Variants in CYP39A1 observed in about 807,000 individuals in gnomAD.
CYP39A1 encodes cytochrome P450 family 39 subfamily A member 1, also known as 24-hydroxycholesterol 7-alpha-hydroxylase.
A neutral mutation model predicts 58.1 loss-of-function variants in CYP39A1; 49 were observed. That is an observed-to-expected ratio of 0.84 (90% CI 0.67 to 1.07). The LOEUF (loss-of-function observed/expected upper bound fraction) is 1.07, where lower values mean the gene tolerates loss of function less well. Among genes scored for constraint, CYP39A1 ranks in the 50% least tolerant of loss-of-function variants. CYP39A1 has a pLI of 0.00. For missense variants in CYP39A1, 531 were observed against 539.4 expected, an observed-to-expected ratio of 0.98 and a Z score of 0.16; for synonymous variants, 209 against 187.6, an observed-to-expected ratio of 1.11 and a Z score of -0.93.
chr6:46,600,336 G>T (rs1404647523), intron 7 of CYP39A1, among the ~76,000 whole-genome samples: 5 of 152,002 alleles, frequency 3.3e-5, no homozygotes, highest in Non-Finnish European at 7.4e-5. Context: ...GGCCAGGCTG[G>T]TCTTGAAATC....
chr6:46,617,924 GC>G (rs1774713912), intron 7 of CYP39A1, among the ~76,000 whole-genome samples: 1 of 152,060 alleles, frequency 6.6e-6, no homozygotes, highest in African/African-American at 2.4e-5. Flanking sequence ...TATTTCTGCT[GC>G]ATTTTGACAC....
intron 1 of CYP39A1, 61 bp downstream of exon 1, chr6:46,652,345 A>C (rs1008769467): frequency 8.7e-6 from 13 of 1,500,566 alleles, no homozygotes; most frequent in African/African-American, 1.4e-5. Flanking sequence ...AGTCAATGAA[A>C]GAAAGTTTAA....
intron 2 of CYP39A1, among the ~76,000 whole-genome samples, chr6:46,640,163 A>G (rs529113755): frequency 6.6e-6 from 1 of 152,332 alleles, no homozygotes; most frequent in Non-Finnish European, 1.5e-5. Context: ...ATGGAAATCT[A>G]TTCACTTTAA....
In CYP39A1 at chr6:46,647,526, C is replaced by T. The variant is rs553100651; in HGVS notation, c.177+4880G>A. 2.1e-4 allele frequency among the ~76,000 whole-genome samples: 32 copies of T among 152,226 alleles called. No individual in the cohort carries two copies. The South Asian group carries it at 3.1e-3, about 15-fold the overall frequency. On this transcript the variant is annotated intron_variant, in intron 1 of 11. Coordinates refer to ENST00000275016, the MANE Select transcript of CYP39A1 (RefSeq NM_016593.5). Reference sequence around the variant, plus strand: ...CTGCTTGACATTTAGATCCTATGCCCACATTTTCAGAATTTCACATTCTAC... The same window carrying T: ...CTGCTTGACATTTAGATCCTATGCCTACATTTTCAGAATTTCACATTCTAC...
chr6:46,566,903 C>A (rs1771320684), intron 10 of CYP39A1, among the ~76,000 whole-genome samples: 1 of 151,932 alleles, frequency 6.6e-6, no homozygotes, highest in East Asian at 1.9e-4. Flanking sequence ...TATACACATA[C>A]ACACACATTG....
intron 11 of CYP39A1, among the ~76,000 whole-genome samples, chr6:46,552,002 G>A (rs545501884): frequency 2.0e-5 from 3 of 151,970 alleles, no homozygotes; most frequent in South Asian, 4.2e-4. Context: ...TGTTCTCAGT[G>A]GTGTCAAAAC....
chr6:46,636,633 C>T (rs939267706), intron 4 of CYP39A1, 151 bp from the exon 5 acceptor site: 4 of 603,828 alleles, frequency 6.6e-6, no homozygotes, highest in South Asian at 4.2e-5. Context: ...GGTCTACCTT[C>T]GGAATGATTA....
At chr6:46,616,304 C>A (rs1206088640) in intron 7 of CYP39A1, among the ~76,000 whole-genome samples, 1 of 141,998 alleles carries the variant, frequency 7.0e-6, no homozygotes, top group Non-Finnish European at 1.5e-5. Flanking sequence ...GTTGCCCAGC[C>A]TGGAGTGCAA....
chr6:46,555,493 T>C (rs1021635006), intron 10 of CYP39A1, among the ~76,000 whole-genome samples: 1 of 151,830 alleles, frequency 6.6e-6, no homozygotes, highest in Non-Finnish European at 1.5e-5. Context: ...TGATGGAAAG[T>C]GATGCCTTCC....
intron 10 of CYP39A1, among the ~76,000 whole-genome samples, chr6:46,585,114 T>A (rs1319638876): frequency 6.6e-6 from 1 of 152,080 alleles, no homozygotes; most frequent in Non-Finnish European, 1.5e-5. Flanking sequence ...ATTATACCAA[T>A]TACTTTCAAA....
chr6:46,650,030 G>A (rs1762573975), intron 1 of CYP39A1, among the ~76,000 whole-genome samples: 3 of 151,866 alleles, frequency 2.0e-5, no homozygotes, highest in Admixed American at 6.6e-5. Context: ...AGTCTACTGA[G>A]TACCTGTTGC....
At chr6:46,582,141 A>G (rs1456209393) in intron 10 of CYP39A1, among the ~76,000 whole-genome samples, 3 of 152,174 alleles carry the variant, frequency 2.0e-5, no homozygotes, top group Non-Finnish European at 4.4e-5. Context: ...AGTAAATACA[A>G]TTCCTTTAAT....
chr6:46,588,992 T>C (rs1276073182), intron 8 of CYP39A1, among the ~76,000 whole-genome samples: 2 of 152,172 alleles, frequency 1.3e-5, no homozygotes, highest in Non-Finnish European at 2.9e-5. Context: ...AATTGCTAGA[T>C]AGCTACCAAC....
chr6:46,586,249 A>G, intron 10 of CYP39A1: 2 of 983,840 alleles, frequency 2.0e-6, no homozygotes, highest in Non-Finnish European at 2.4e-6. Context: ...AATGAAGAGG[A>G]CTGACTTCAA....
intron 7 of CYP39A1, among the ~76,000 whole-genome samples, chr6:46,601,029 G>A (rs1773464154): frequency 6.6e-6 from 1 of 152,126 alleles, no homozygotes; most frequent in Non-Finnish European, 1.5e-5. Flanking sequence ...ATAATGTCAT[G>A]CAGTTAGTGT....
chr6:46,576,239 C>T (rs748293767), intron 10 of CYP39A1, among the ~76,000 whole-genome samples: 4 of 152,174 alleles, frequency 2.6e-5, no homozygotes, highest in Non-Finnish European at 4.4e-5. Flanking sequence ...TCTCCATTAT[C>T]CAATCACCTC....
chr6:46,595,457 C>T (rs1265830925), intron 8 of CYP39A1, among the ~76,000 whole-genome samples: 1 of 151,858 alleles, frequency 6.6e-6, no homozygotes, highest in Non-Finnish European at 1.5e-5. Context: ...AACTAGAAAA[C>T]ATTTTGTTAA....
In CYP39A1 at chr6:46,549,760, G is replaced by A. The variant is rs1770293792; in HGVS notation, c.*606C>T. 6.6e-6 allele frequency: 1 copy of A among 152,126 alleles called. No individual in the cohort carries two copies. Among genetic ancestry groups the A allele is most frequent in the African/African-American group, 2.4e-5 (1 of 41,438 alleles). 9.4% of individuals were successfully genotyped at this position (152,126 alleles called of 1,614,324 possible). On this transcript the variant is annotated 3_prime_UTR_variant, in exon 12 of 12. Transcript: ENST00000275016. ...CTCTGTAAAGAAGGTGCAATCCTGA[G>A]CATAATAAAGTGTAGAAATGAATGT...
chr6:46,594,815 T>C (rs1446537429), intron 8 of CYP39A1, among the ~76,000 whole-genome samples: 1 of 151,842 alleles, frequency 6.6e-6, no homozygotes, highest in Admixed American at 6.6e-5. Flanking sequence ...AAAAATGGGA[T>C]TACATTAAAC....
Sources: allele counts gnomAD v4.1 joint callset (sites outside exome capture counted in the v4.1 genomes callset), GRCh38; gene constraint gnomAD v4.1.1; transcripts MANE v1.5; gene names NCBI Gene and HGNC (gene_info 2026-07-23, HGNC 2026-07-21).